The following MAN1A1 variants were observed in gnomAD, a reference collection of about 807,000 sequenced individuals.
The protein encoded by MAN1A1 is mannosyl-oligosaccharide 1,2-alpha-mannosidase IA.
MAN1A1 carries 29 observed loss-of-function variants against 70.8 expected under a neutral mutation model. That is an observed-to-expected ratio of 0.41 (90% CI 0.31 to 0.56). The LOEUF (loss-of-function observed/expected upper bound fraction) is 0.56, where lower values mean the gene tolerates loss of function less well. MAN1A1 is among the 20% of genes least tolerant of loss of function. MAN1A1 has a pLI of 0.29. For missense variants in MAN1A1, 747 were observed against 841.3 expected (o/e 0.89, Z 1.39); for synonymous variants, 349 against 330.1 (o/e 1.06, Z -0.62).
intron 2 of MAN1A1, among the ~76,000 whole-genome samples, chr6:119,333,219 T>C (rs533850688): frequency 6.6e-6 from 1 of 152,326 alleles, no homozygotes; most frequent in Non-Finnish European, 1.5e-5. Context: ...GGTCCACAAA[T>C]ATGCTAACTA....
At chr6:119,302,968 C>T (rs1169993818) in intron 3 of MAN1A1, among the ~76,000 whole-genome samples, 1 of 152,138 alleles carries the variant, frequency 6.6e-6, no homozygotes, top group African/African-American at 2.4e-5. Context: ...CCCTGGCATT[C>T]AACACCTTCT....
At chr6:119,293,960 A>G (rs1343396500) in intron 4 of MAN1A1, among the ~76,000 whole-genome samples, 2 of 152,090 alleles carry the variant, frequency 1.3e-5, no homozygotes, top group African/African-American at 4.8e-5. Context: ...AAAGCAATGT[A>G]CACAATAGCT....
At chr6:119,189,995 G>C in intron 9 of MAN1A1, 112 bp from the exon 10 acceptor site, 4 of 852,928 alleles carry the variant, frequency 4.7e-6, no homozygotes, top group Non-Finnish European at 5.4e-6. Context: ...ATCAGAGTTT[G>C]GTGTTAAAAA....
intron 5 of MAN1A1, among the ~76,000 whole-genome samples, chr6:119,257,219 GC>G (rs1775484110): frequency 6.6e-6 from 1 of 152,188 alleles, no homozygotes; most frequent in Non-Finnish European, 1.5e-5. Context: ...ATGATAGCGA[GC>G]AGGTGGAGAG....
chr6:119,189,731 C>T lies in MAN1A1; in HGVS notation c.1479G>A (p.Met493Ile). ...CCCCGAGTTCAAGGTAGTGTTGGGC[C>T]ATGCCTTCGGGAGCTGCATCAGCCC... Reference protein sequence around the residue: ...ALGADAAPEGMAQHYLELGAE... With the variant: ...ALGADAAPEGIAQHYLELGAE... Residue 493 changes from methionine to isoleucine, a missense_variant, in exon 10 of 13, where the codon ATG becomes ATA. By Grantham distance (10) the Met-to-Ile change is conservative. Around this residue, in one of 2 missense-constraint regions of MAN1A1, gnomAD observed 419 missense variants for 548.2 expected, o/e 0.76. Coordinates refer to ENST00000368468, the MANE Select transcript of MAN1A1 (RefSeq NM_005907.4). 3 of 1,614,080 alleles carry T rather than the reference C, an allele frequency of 1.9e-6. No homozygotes were observed. Among genetic ancestry groups the T allele is most frequent in the Non-Finnish European group, 2.5e-6 (3 of 1,180,018 alleles).
At chr6:119,285,069 G>A (rs1776327748) in intron 5 of MAN1A1, among the ~76,000 whole-genome samples, 1 of 151,872 alleles carries the variant, frequency 6.6e-6, no homozygotes, top group African/African-American at 2.4e-5. Context: ...AAGGTGAAGA[G>A]GGAGCAGGTG....
chr6:119,284,711 G>T (rs1205515297), intron 5 of MAN1A1, among the ~76,000 whole-genome samples: 1 of 151,902 alleles, frequency 6.6e-6, no homozygotes, highest in Non-Finnish European at 1.5e-5. Context: ...TTGTTAAGTT[G>T]TCTAATATTG....
chr6:119,349,460 A>C, intron 1 of MAN1A1, 82 bp downstream of exon 1: 1 of 931,948 alleles, frequency 1.1e-6, no homozygotes, highest in Non-Finnish European at 1.3e-6. Context: ...TGAAGTTATC[A>C]GGTCCCGTGG....
chr6:119,206,175 C>T (rs942225776), intron 6 of MAN1A1, among the ~76,000 whole-genome samples: 1 of 152,152 alleles, frequency 6.6e-6, no homozygotes, highest in African/African-American at 2.4e-5. Flanking sequence ...GCAGCTGTTA[C>T]ACTGCAGAAT....
rs553293294 is a variant in MAN1A1, at chr6:119,349,665, G to C, written c.-346C>G. On this transcript the variant is annotated 5_prime_UTR_variant, in exon 1 of 13. Coordinates refer to ENST00000368468, the MANE Select transcript of MAN1A1 (RefSeq NM_005907.4). Reference sequence around the variant, plus strand: ...GAGCGCGCTGTCCCACGGTCCCGCAGCCCCGGCGCGGCTCAGGTGGGCGAG... The same window carrying C: ...GAGCGCGCTGTCCCACGGTCCCGCACCCCCGGCGCGGCTCAGGTGGGCGAG... The C allele has an allele frequency of 1.0e-6, 1 of 985,728 alleles. No individual in the cohort carries two copies. The highest frequency in any genetic ancestry group is 1.2e-6 in the Non-Finnish European group (1 of 830,022). 61.1% of individuals were successfully genotyped at this position (985,728 alleles called of 1,614,324 possible).
chr6:119,204,896 G>A lies in MAN1A1; in HGVS notation c.993-14C>T, dbSNP rs1773815772. On this transcript the variant is annotated splice_polypyrimidine_tract_variant and intron_variant, in intron 6 of 12. Transcript: ENST00000368468. ...CTTCCAATACCACTAAAGAAGAGATGACGTCGAAGAGTTATGGGTCAGATT... is the reference window on the plus strand; with the variant it reads ...CTTCCAATACCACTAAAGAAGAGATAACGTCGAAGAGTTATGGGTCAGATT... 1 of 1,612,816 alleles carries A rather than the reference G, an allele frequency of 6.2e-7. No individual in the cohort carries two copies. Among genetic ancestry groups the A allele is most frequent in the Admixed American group, 1.7e-5 (1 of 59,830 alleles).
intron 8 of MAN1A1, among the ~76,000 whole-genome samples, chr6:119,199,038 T>G (rs1270967013): frequency 6.6e-6 from 1 of 152,236 alleles, no homozygotes; most frequent in Non-Finnish European, 1.5e-5. Context: ...GATCTTATAA[T>G]ATCATGCTTT....
chr6:119,306,254 C>T (rs1772520847), intron 3 of MAN1A1, among the ~76,000 whole-genome samples: 1 of 152,152 alleles, frequency 6.6e-6, no homozygotes, highest in South Asian at 2.1e-4. Flanking sequence ...TACTGGGCAG[C>T]TCTGTGACCC....
At chr6:119,325,406 C>T (rs1010918868) in intron 2 of MAN1A1, among the ~76,000 whole-genome samples, 5 of 152,094 alleles carry the variant, frequency 3.3e-5, no homozygotes, top group Non-Finnish European at 4.4e-5. Flanking sequence ...ACCTATAATC[C>T]CAGCACTTTG....
At chr6:119,190,008 C>A in intron 9 of MAN1A1, 125 bp from the exon 10 acceptor site, 2 of 753,016 alleles carry the variant, frequency 2.7e-6, no homozygotes, top group Non-Finnish European at 2.1e-6. Context: ...GTTAAAAATC[C>A]ATTCAACCTG....
chr6:119,210,572 G>A (rs984693915), intron 6 of MAN1A1, among the ~76,000 whole-genome samples: 1 of 152,032 alleles, frequency 6.6e-6, no homozygotes, highest in African/African-American at 2.4e-5. Flanking sequence ...AATTTTCCAA[G>A]GATATATTCC....
At chr6:119,244,597 G>A (rs1237072643) in intron 6 of MAN1A1, among the ~76,000 whole-genome samples, 1 of 152,000 alleles carries the variant, frequency 6.6e-6, no homozygotes, top group Non-Finnish European at 1.5e-5. Context: ...TAGTATATGA[G>A]TGAATTATTT....
chr6:119,257,884 C>T (rs2114345654), intron 5 of MAN1A1, among the ~76,000 whole-genome samples: 1 of 152,224 alleles, frequency 6.6e-6, no homozygotes, highest in East Asian at 1.9e-4. Flanking sequence ...GTGCCTAAAG[C>T]TACTCATTCT....
At chr6:119,248,517 C>T (rs563564507) in intron 5 of MAN1A1, among the ~76,000 whole-genome samples, 163 bp from the exon 6 acceptor site, 1 of 152,302 alleles carries the variant, frequency 6.6e-6, no homozygotes, top group Non-Finnish European at 1.5e-5. Flanking sequence ...CCCAGTAAAG[C>T]AACAATGGTC....
Sources: gnomAD v4.1 joint callset for allele counts (sites outside exome capture counted in the v4.1 genomes callset) on GRCh38, gnomAD v4.1.1 for gene constraint, gnomAD v4.1.1 regional missense constraint, MANE v1.5 for transcripts, NCBI Gene and HGNC (gene_info 2026-07-23, HGNC 2026-07-21) for gene names.